Variants in DACH2 observed in about 807,000 individuals in gnomAD.
DACH2 encodes the protein dachshund family transcription factor 2.
In DACH2, 17 loss-of-function variants were observed where a neutral mutation model predicts 35.8. That is an observed-to-expected ratio of 0.48 (90% CI 0.33 to 0.71). The LOEUF (loss-of-function observed/expected upper bound fraction) is 0.71, where lower values mean the gene tolerates loss of function less well. DACH2 is among the 30% of genes least tolerant of loss of function. The pLI is 0.02. For synonymous variants in DACH2, 195 were observed against 177.3 expected (o/e 1.10, Z -0.79); for missense variants, 469 against 472.7 (o/e 0.99, Z 0.07).
chrX:86,388,097 T>A (rs1408890159), intron 2 of DACH2, among the ~76,000 whole-genome samples: 1 of 111,949 alleles, frequency 8.9e-6, no homozygotes, highest in Non-Finnish European at 1.9e-5. Flanking sequence ...GTAAAATTCC[T>A]GCTGCAGTCA....
intron 1 of DACH2, among the ~76,000 whole-genome samples, chrX:86,272,628 C>T (rs1397342): frequency 0.024 from 2,654 of 111,518 alleles, 70 homozygotes; most frequent in East Asian, 0.22. Context: ...AATTTCAAAA[C>T]TAGTAACATT....
intron 1 of DACH2, among the ~76,000 whole-genome samples, chrX:86,355,960 A>ATT (rs199547170): frequency 2.8e-5 from 3 of 108,073 alleles, no homozygotes. Flanking sequence ...TAGTTTGCCA[A>ATT]TTTTTTTTTC....
intron 1 of DACH2, among the ~76,000 whole-genome samples, chrX:86,285,315 C>G (rs2034122293): frequency 9.0e-6 from 1 of 111,712 alleles, no homozygotes; most frequent in African/African-American, 3.2e-5. Context: ...GCACTTATAG[C>G]TGTAAACTTT....
At chrX:86,295,269 G>C (rs1433555823) in intron 1 of DACH2, among the ~76,000 whole-genome samples, 1 of 112,132 alleles carries the variant, frequency 8.9e-6, no homozygotes, top group Non-Finnish European at 1.9e-5. Context: ...GCCTCGCCCT[G>C]CTTCGGCTCG....
intron 6 of DACH2, among the ~76,000 whole-genome samples, chrX:86,732,525 C>A (rs1296109760): frequency 8.9e-6 from 1 of 111,936 alleles, no homozygotes; most frequent in African/African-American, 3.2e-5. Context: ...TAATTGCTAT[C>A]TGCCTGGATT....
chrX:86,561,911 A>C (rs1218145565), intron 3 of DACH2, among the ~76,000 whole-genome samples: 1 of 101,389 alleles, frequency 9.9e-6, no homozygotes, highest in East Asian at 3.2e-4. Flanking sequence ...TAAAAAAAAA[A>C]AAAAAAAAAG....
chrX:86,301,537 T>C (rs1380444238), intron 1 of DACH2, among the ~76,000 whole-genome samples: 1 of 111,946 alleles, frequency 8.9e-6, no homozygotes, highest in African/African-American at 3.2e-5. Flanking sequence ...AATGTAGTCA[T>C]CAAAATGTCA....
At chrX:86,250,117 C>T (rs1431266043) in intron 1 of DACH2, among the ~76,000 whole-genome samples, 1 of 111,186 alleles carries the variant, frequency 9.0e-6, no homozygotes, top group African/African-American at 3.3e-5. Context: ...TTATTACCTG[C>T]GTGATGAAAT....
At chrX:86,407,872 C>G (rs2036550016) in intron 2 of DACH2, among the ~76,000 whole-genome samples, 1 of 112,059 alleles carries the variant, frequency 8.9e-6, no homozygotes, top group Admixed American at 9.5e-5. Flanking sequence ...ACAAAGCTTT[C>G]TGGTATCACA....
chrX:86,446,288 C>CTTT (rs753958102), intron 2 of DACH2, among the ~76,000 whole-genome samples: 66 of 78,041 alleles, frequency 8.5e-4, no homozygotes, highest in African/African-American at 3.0e-3. Context: ...AGTCTTGTTT[C>CTTT]TTTTTTTTTT....
intron 2 of DACH2, among the ~76,000 whole-genome samples, chrX:86,421,320 T>A (rs1045626975): frequency 8.1e-5 from 9 of 111,539 alleles, no homozygotes; most frequent in Non-Finnish European, 1.5e-4. Context: ...TGTTATCTCA[T>A]TTGATTTTTA....
At position 86,774,016 on chromosome X, in the gene DACH2, C is replaced by T. The variant is rs190074629; in HGVS notation, c.1240+34134C>T. Among the ~76,000 whole-genome samples the T allele has an allele frequency of 3.1e-3, 341 of 111,548 alleles. 1 individual carries two copies. Among genetic ancestry groups the T allele is most frequent in the African/African-American group, 0.011 (323 of 30,737 alleles). On this transcript the variant is annotated intron_variant, in intron 7 of 11. Coordinates refer to ENST00000373125, the MANE Select transcript of DACH2 (RefSeq NM_053281.3). ...TAAGGAACCTCCAAACTCTTCTCCA[C>T]GGTGGTTGTACTAATTTACATTCTC... is the stretch of plus-strand genomic sequence containing the variant.
At chrX:86,623,417 C>T (rs2040091410) in intron 3 of DACH2, among the ~76,000 whole-genome samples, 1 of 110,824 alleles carries the variant, frequency 9.0e-6, no homozygotes, top group Non-Finnish European at 1.9e-5. Context: ...GGTCTGAACA[C>T]AAGCAAATAT....
intron 3 of DACH2, among the ~76,000 whole-genome samples, chrX:86,642,924 A>G (rs781455378): frequency 2.3e-4 from 26 of 111,893 alleles, no homozygotes; most frequent in Admixed American, 3.8e-4. Flanking sequence ...CAAAGATGCA[A>G]CATACCAGAA....
intron 1 of DACH2, among the ~76,000 whole-genome samples, chrX:86,186,550 G>A (rs2031688009): frequency 9.0e-6 from 1 of 111,662 alleles, no homozygotes; most frequent in African/African-American, 3.3e-5. Flanking sequence ...AAGACAGGTA[G>A]TAACAATCCT....
chrX:86,444,778 T>C (rs1240904799), intron 2 of DACH2, among the ~76,000 whole-genome samples: 1 of 111,470 alleles, frequency 9.0e-6, no homozygotes, highest in East Asian at 2.8e-4. Flanking sequence ...TATTTATTTC[T>C]TCTATGATTT....
At chrX:86,667,586 AAGAAAGAAAG>A (rs1238026545) in intron 4 of DACH2, among the ~76,000 whole-genome samples, 1 of 102,173 alleles carries the variant, frequency 9.8e-6, no homozygotes, top group African/African-American at 4.0e-5. Flanking sequence ...GAAAGAAAGA[AAGAAAGAAAG>A]AAAGAAAGAA....
At chrX:86,362,345 C>T (rs1045486259) in intron 1 of DACH2, among the ~76,000 whole-genome samples, 1 of 110,801 alleles carries the variant, frequency 9.0e-6, no homozygotes, top group Non-Finnish European at 1.9e-5. Flanking sequence ...AAACTGCACA[C>T]GCATGCACAC....
intron 3 of DACH2, among the ~76,000 whole-genome samples, chrX:86,535,331 A>G (rs2038782299): frequency 9.0e-6 from 1 of 111,691 alleles, no homozygotes; most frequent in Non-Finnish European, 1.9e-5. Flanking sequence ...GCTGTAACAG[A>G]ATATGTGAGA....
Sources: allele counts gnomAD v4.1 joint callset (sites outside exome capture counted in the v4.1 genomes callset), GRCh38; gene constraint gnomAD v4.1.1; transcripts MANE v1.5; gene names NCBI Gene and HGNC (gene_info 2026-07-23, HGNC 2026-07-21).